BRD2: variants seen among roughly 807,000 people sequenced by gnomAD.
BRD2 encodes the protein bromodomain-containing protein 2.
Under a neutral mutation model 79.1 loss-of-function variants are expected in BRD2, and 15 were observed. That is an observed-to-expected ratio of 0.19 (90% confidence interval 0.13 to 0.29). BRD2 has a LOEUF of 0.29. Among genes scored for constraint, BRD2 ranks in the 10% least tolerant of loss-of-function variants. The probability of loss-of-function intolerance (pLI) is 1.00; values close to 1 mark genes in which losing one functional copy is unlikely to be tolerated. For synonymous variants in BRD2, 488 were observed against 358.6 expected, an observed-to-expected ratio of 1.36 and a Z score of -4.08; for missense variants, 1,053 against 991.3, an observed-to-expected ratio of 1.06 and a Z score of -0.84.
Position 32,972,626 on chromosome 6 carries a change from A to T in BRD2, c.-273A>T. On this transcript the variant is annotated 5_prime_UTR_variant, in exon 2 of 13. Transcript: ENST00000374825. Reference sequence around the variant, plus strand: ...TGAGATCGGGGACCGTCTTTTGAAGAGTCAGTCCCTCCTTAGTTGCCCGCC... The same window carrying T: ...TGAGATCGGGGACCGTCTTTTGAAGTGTCAGTCCCTCCTTAGTTGCCCGCC... The T allele has an allele frequency of 1.7e-6, 1 of 582,924 alleles. No homozygotes were observed. The highest frequency in any genetic ancestry group is 3.1e-6 in the Non-Finnish European group (1 of 327,134). The allele number at this position is 582,924 out of a possible 1,614,324, so 36.1% of individuals were successfully genotyped here.
At chr6:32,975,140 G>A in intron 3 of BRD2, 1 of 1,498,158 alleles carries the variant, frequency 6.7e-7, no homozygotes, top group Non-Finnish European at 8.9e-7. Context: ...GAAGTTTCCA[G>A]AGTGGGTGGG....
chr6:32,975,307 T>TGAGA (rs1554143976), intron 3 of BRD2, 77 bp from the exon 4 acceptor site: 19 of 1,152,734 alleles, frequency 1.6e-5, no homozygotes, highest in South Asian at 7.3e-5. Context: ...TGTGTGTGTG[T>TGAGA]GTGAGAGTCG....
rs772180048 is a variant in BRD2 at position 32,976,556 on chromosome 6, C to G, written c.826-6C>G. ...GACAGGTTCCCTATCTTGTTTCTTT[C>G]TGCAGAAAAAAGGCGTAAAGCGGAA... On this transcript the variant is annotated splice_polypyrimidine_tract_variant and splice_region_variant and intron_variant, in intron 6 of 12. Coordinates refer to ENST00000374825, the MANE Select transcript of BRD2 (RefSeq NM_005104.4). The G allele has an allele frequency of 3.1e-6, 5 of 1,590,792 alleles. No homozygotes were observed. In the East Asian group the frequency reaches 1.1e-4, roughly 36 times the overall value.
Position 32,980,425 on chromosome 6 carries a change from A to C in BRD2, c.2230A>C (p.Ser744Arg). The C allele has an allele frequency of 6.2e-7, 1 of 1,613,144 alleles. No homozygotes were observed. Among genetic ancestry groups the C allele is most frequent in the South Asian group, 1.1e-5 (1 of 91,084 alleles). Reference protein sequence around the residue: ...RELEKRLQDVSGQLNSTKKPP... With the variant: ...RELEKRLQDVRGQLNSTKKPP... ...ATTAGAAAAGCGGTTACAAGATGTC[A>C]GCGGACAGCTCAATTCTACTAAAAA... Residue 744 changes from serine to arginine, a missense_variant, in exon 12 of 13, where the codon AGC becomes CGC. By Grantham distance (110) the Ser-to-Arg change is moderately radical (BLOSUM62 -1). Coordinates refer to ENST00000374825, the MANE Select transcript of BRD2 (RefSeq NM_005104.4).
Position 32,971,765 on chromosome 6 carries a change from A to T in BRD2, c.-1134A>T, listed in dbSNP as rs1778009441. 1 of 602,944 alleles carries T rather than the reference A, an allele frequency of 1.7e-6. No homozygotes were observed. Among genetic ancestry groups the T allele is most frequent in the African/African-American group, 1.9e-5 (1 of 53,452 alleles). The allele number at this position is 602,944 out of a possible 1,614,324, so 37.3% of individuals were successfully genotyped here. A position where few individuals can be genotyped will look rare whatever the true frequency, so the allele number is the denominator to read the frequency against. On this transcript the variant is annotated 5_prime_UTR_variant, in exon 2 of 13. Transcript: ENST00000374825. ...GACCTGCTCGAGCTTGGCAGTCTCCAGTTGGGCTGTGCATGGAAGCTTGGG... is the reference window on the plus strand; with the variant it reads ...GACCTGCTCGAGCTTGGCAGTCTCCTGTTGGGCTGTGCATGGAAGCTTGGG...
At position 32,974,641 on chromosome 6, in the gene BRD2, A is replaced by G. The variant is rs1339505313; in HGVS notation, c.209A>G (p.Lys70Arg). The stretch of plus-strand genomic sequence containing the variant: ...CCACCCCCGGAGGTGTCCAATCCCA[A>G]AAAGCCAGGACGAGTTACCAACCAG... ...NPPPPEVSNP[K>R]KPGRVTNQLQ... The change falls in exon 3 of 13, where the codon AAA (lysine) becomes AGA (arginine). Residue 70 changes from lysine (K) to arginine (R), a missense_variant. Lys to Arg is a conservative substitution (Grantham distance 26). This residue lies in a region of BRD2 where 413 missense variants were observed against 335.1 expected (regional missense o/e 1.23). Transcript: ENST00000374825. 3 of 1,614,232 alleles carry G rather than the reference A, an allele frequency of 1.9e-6. No individual in the cohort carries two copies. The highest frequency in any genetic ancestry group is 2.2e-5 in the East Asian group (1 of 44,884).
chr6:32,973,042 G>C (rs1053529443), intron 2 of BRD2, 115 bp downstream of exon 2: 1 of 1,609,628 alleles, frequency 6.2e-7, no homozygotes, highest in South Asian at 1.1e-5. Context: ...TTGCGGCGCA[G>C]CTGTCGACTC....
chr6:32,969,202 G>T, intron 1 of BRD2, 146 bp downstream of exon 1: 1 of 563,764 alleles, frequency 1.8e-6, no homozygotes, highest in Non-Finnish European at 3.3e-6. Context: ...CAATGGGAGC[G>T]TGGAGGGGGG....
At chr6:32,973,910 A>G (rs188945977) in intron 2 of BRD2, among the ~76,000 whole-genome samples, 12 of 152,052 alleles carry the variant, frequency 7.9e-5, no homozygotes, top group African/African-American at 1.9e-4. Flanking sequence ...TTTCTAGTCT[A>G]TGTTCTGTTG....
chr6:32,971,190 A>T, intron 1 of BRD2: 1 of 163,748 alleles, frequency 6.1e-6, no homozygotes. Context: ...ATGGAGTTTG[A>T]GGAAGAGGTG....
chr6:32,978,734 G>A (rs73409636), intron 10 of BRD2: 16,502 of 331,884 alleles, frequency 0.05, 644 homozygotes, highest in Non-Finnish European at 0.07. Flanking sequence ...GACAGGCAGT[G>A]ATGCCCACAT....
In BRD2 at chr6:32,978,246, G is replaced by A. The variant is rs751366605; in HGVS notation, c.1699G>A (p.Ala567Thr). ...GAAGGCAGAGAAGCATCGAGGCCGAGCTGGGGCCGATGAAGATGACAAGGG... is the reference window on the plus strand; with the variant it reads ...GAAGGCAGAGAAGCATCGAGGCCGAACTGGGGCCGATGAAGATGACAAGGG... Reference protein sequence around the residue: ...KRKAEKHRGRAGADEDDKGPR... With the variant: ...KRKAEKHRGRTGADEDDKGPR... The change falls in exon 10 of 13, where the codon GCT (alanine) becomes ACT (threonine). Residue 567 changes from alanine (A) to threonine (T), a missense_variant. Physicochemically the swap from Ala to Thr is moderately conservative, Grantham distance 58 (BLOSUM62 0). Coordinates refer to ENST00000374825, the MANE Select transcript of BRD2 (RefSeq NM_005104.4). 1.2e-6 allele frequency: 2 copies of A among 1,613,082 alleles called. No homozygotes were observed. Among genetic ancestry groups the A allele is most frequent in the Admixed American group, 1.7e-5 (1 of 60,026 alleles).
intron 2 of BRD2, 27 bp from the exon 3 acceptor site, chr6:32,974,435 G>T (rs372751994): frequency 6.3e-7 from 1 of 1,594,410 alleles, no homozygotes; most frequent in Non-Finnish European, 8.6e-7. Flanking sequence ...GGACGATATT[G>T]CCCTAATTTT....
Position 32,976,761 on chromosome 6 carries a change from A to G in BRD2, c.1025A>G (p.Lys342Arg). Reference protein sequence around the residue: ...PDSQQQHQSSKKGKLSEQLKH... With the variant: ...PDSQQQHQSSRKGKLSEQLKH... The stretch of plus-strand genomic sequence containing the variant: ...TCTCAGCAACAACACCAGAGCTCTA[A>G]GAAAGGAAAGCTTTCAGAACAGTTA... The change falls in exon 7 of 13, where the codon AAG (lysine) becomes AGG (arginine). Residue 342 changes from lysine to arginine, a missense_variant. Lys to Arg is a conservative substitution (Grantham distance 26, BLOSUM62 2). Transcript: ENST00000374825. The G allele has an allele frequency of 6.2e-7, 1 of 1,613,322 alleles. No homozygotes were observed. The highest frequency in any genetic ancestry group is 1.1e-5 in the South Asian group (1 of 91,088).
At position 32,978,254 on chromosome 6, in the gene BRD2, C is replaced by T. The variant is rs767509352; in HGVS notation, c.1707C>T (p.Ala569=). ...AGAAGCATCGAGGCCGAGCTGGGGC[C>T]GATGAAGATGACAAGGGGCCTAGGG... ...KAEKHRGRAG[A]DEDDKGPRAP... is the part of the protein sequence containing the mutation. Residue 569 remains alanine, a synonymous_variant, in exon 10 of 13, where the codon GCC becomes GCT. Coordinates refer to ENST00000374825, the MANE Select transcript of BRD2 (RefSeq NM_005104.4). 1.7e-5 allele frequency: 27 copies of T among 1,612,844 alleles called. No individual in the cohort carries two copies. The highest frequency in any genetic ancestry group is 2.7e-5 in the African/African-American group (2 of 74,862).
Position 32,980,345 on chromosome 6 carries a change from T to C in BRD2, c.2150T>C (p.Ile717Thr), listed in dbSNP as rs1423255984. 6.2e-7 allele frequency: 1 copy of C among 1,612,628 alleles called. No homozygotes were observed. Among genetic ancestry groups the C allele is most frequent in the Non-Finnish European group, 8.5e-7 (1 of 1,179,966 alleles). The stretch of plus-strand genomic sequence containing the variant: ...CCTGATAAATTTCTTTCATTAGCCA[T>C]TAAGAAGCCTGTGGGAAAGACAAAG... ...LRKKPRKPYTIKKPVGKTKEE... is the reference protein window; with the variant it reads ...LRKKPRKPYTTKKPVGKTKEE... The change falls in exon 12 of 13, where the codon ATT becomes ACT. Residue 717 changes from isoleucine (I) to threonine (T), a missense_variant. Physicochemically the swap from Ile to Thr is moderately conservative, Grantham distance 89. This residue lies in a region of BRD2 where 139 missense variants were observed against 133.2 expected (regional missense o/e 1.04). Transcript: ENST00000374825.
chr6:32,972,260 A>G lies in BRD2; in HGVS notation c.-639A>G, dbSNP rs570126952. 4.2e-5 allele frequency: 19 copies of G among 447,644 alleles called. No homozygotes were observed. The highest frequency in any genetic ancestry group is 3.4e-4 in the African/African-American group (17 of 49,940). The allele number at this position is 447,644 out of a possible 1,614,324, so 27.7% of individuals were successfully genotyped here. On this transcript the variant is annotated 5_prime_UTR_variant, in exon 2 of 13. Coordinates refer to ENST00000374825, the MANE Select transcript of BRD2 (RefSeq NM_005104.4). ...GCTGGAGGATTCTGCCTACCGATAC[A>G]GAGCCTTCGAGTCGTCCGGGGCCGC... is the stretch of plus-strand genomic sequence containing the variant.
At chr6:32,975,007 G>T in intron 3 of BRD2, 2 of 1,526,356 alleles carry the variant, frequency 1.3e-6, no homozygotes, top group Non-Finnish European at 1.8e-6. Flanking sequence ...TTGTGCCCTG[G>T]CTCCATTTTA....
rs1779045677 is a variant in BRD2 at position 32,978,267 on chromosome 6, A to G, written c.1720A>G (p.Lys574Glu). 3 of 1,612,980 alleles carry G rather than the reference A, an allele frequency of 1.9e-6. No individual in the cohort carries two copies. The highest frequency in any genetic ancestry group is 1.7e-5 in the Admixed American group (1 of 60,008). ...RGRAGADEDD[K>E]GPRAPRPPQP... is the part of the protein sequence containing the mutation. ...CCGAGCTGGGGCCGATGAAGATGAC[A>G]AGGGGCCTAGGGCACCCCGCCCACC... is the stretch of plus-strand genomic sequence containing the variant. Residue 574 changes from lysine (K) to glutamate (E), a missense_variant, in exon 10 of 13, where the codon AAG (lysine) becomes GAG (glutamate). This residue lies in a region of BRD2 where 454 missense variants were observed against 430.5 expected (regional missense o/e 1.05). Transcript: ENST00000374825.
Sources: gnomAD v4.1 joint callset for allele counts (sites outside exome capture counted in the v4.1 genomes callset) on GRCh38, gnomAD v4.1.1 for gene constraint, gnomAD v4.1.1 regional missense constraint, MANE v1.5 for transcripts, NCBI Gene and HGNC (gene_info 2026-07-23, HGNC 2026-07-21) for gene names.